Variants in CPPED1 observed in about 807,000 individuals in gnomAD.
CPPED1 encodes calcineurin like phosphoesterase domain containing 1.
CPPED1 carries 28 observed loss-of-function variants against 28.0 expected under a neutral mutation model. That is an observed-to-expected ratio of 1.00 (90% CI 0.74 to 1.37). The LOEUF (loss-of-function observed/expected upper bound fraction) is 1.37, where lower values mean the gene tolerates loss of function less well. Among genes scored for constraint, CPPED1 ranks in the 40% most tolerant of loss-of-function variants. The pLI is 0.00. For synonymous variants in CPPED1, 198 were observed against 180.2 expected, an observed-to-expected ratio of 1.10 and a Z score of -0.79; for missense variants, 504 against 416.5, an observed-to-expected ratio of 1.21 and a Z score of -1.83.
At chr16:12,750,484 A>G (rs2080320483) in intron 2 of CPPED1, among the ~76,000 whole-genome samples, 1 of 152,192 alleles carries the variant, frequency 6.6e-6, no homozygotes, top group African/African-American at 2.4e-5. Flanking sequence ...ATGGCCACTC[A>G]GTGGAGCAGT....
intron 2 of CPPED1, among the ~76,000 whole-genome samples, chr16:12,747,106 C>T (rs1241401665): frequency 2.0e-5 from 3 of 150,656 alleles, no homozygotes; most frequent in Non-Finnish European, 3.0e-5. Context: ...AAATAAATGG[C>T]AACATGGTAG....
intron 2 of CPPED1, among the ~76,000 whole-genome samples, chr16:12,775,619 T>A (rs1400676564): frequency 6.6e-6 from 1 of 152,226 alleles, no homozygotes; most frequent in African/African-American, 2.4e-5. Context: ...TTGTTAAAAT[T>A]CTGATTCAGA....
intron 3 of CPPED1, among the ~76,000 whole-genome samples, chr16:12,690,949 G>A (rs1187967168): frequency 2.0e-5 from 3 of 152,244 alleles, no homozygotes; most frequent in African/African-American, 4.8e-5. Flanking sequence ...AGAATGGGCA[G>A]GAGGGTGAGC....
At chr16:12,778,518 C>T (rs2141237223) in intron 2 of CPPED1, among the ~76,000 whole-genome samples, 1 of 152,252 alleles carries the variant, frequency 6.6e-6, no homozygotes, top group Non-Finnish European at 1.5e-5. Flanking sequence ...TCAGGTGATC[C>T]GCCCACCTTG....
At chr16:12,741,404 G>A (rs549512181) in intron 2 of CPPED1, among the ~76,000 whole-genome samples, 43 of 151,926 alleles carry the variant, frequency 2.8e-4, no homozygotes, top group African/African-American at 9.4e-4. Flanking sequence ...AGTCATTAGC[G>A]GTGATAAAGG....
chr16:12,754,384 G>A (rs1277540696), intron 2 of CPPED1, among the ~76,000 whole-genome samples: 1 of 152,072 alleles, frequency 6.6e-6, no homozygotes, highest in Non-Finnish European at 1.5e-5. Context: ...ACACACAGGG[G>A]CGCCTGTCTT....
chr16:12,738,421 A>C (rs751295942), intron 2 of CPPED1, among the ~76,000 whole-genome samples: 2 of 152,142 alleles, frequency 1.3e-5, no homozygotes, highest in Non-Finnish European at 2.9e-5. Context: ...TTACTTTTAT[A>C]ATCACACACA....
intron 2 of CPPED1, among the ~76,000 whole-genome samples, chr16:12,779,492 G>A (rs1014915688): frequency 2.6e-5 from 4 of 151,770 alleles, no homozygotes; most frequent in African/African-American, 4.8e-5. Flanking sequence ...GAGTTCAAGC[G>A]ATTCTCCTGC....
intron 2 of CPPED1, among the ~76,000 whole-genome samples, chr16:12,779,940 T>A (rs1261832428): frequency 6.6e-6 from 1 of 152,164 alleles, no homozygotes; most frequent in Non-Finnish European, 1.5e-5. Flanking sequence ...CGTTTGCTTA[T>A]ACCTGCTTGC....
At chr16:12,715,548 T>A (rs539166584) in intron 2 of CPPED1, among the ~76,000 whole-genome samples, 16 of 152,060 alleles carry the variant, frequency 1.1e-4, no homozygotes, top group Non-Finnish European at 2.4e-4. Flanking sequence ...TAACCCCAGC[T>A]ACTCGGGAGG....
At chr16:12,794,321 A>G (rs1246968749) in intron 1 of CPPED1, among the ~76,000 whole-genome samples, 1 of 152,150 alleles carries the variant, frequency 6.6e-6, no homozygotes, top group Non-Finnish European at 1.5e-5. Flanking sequence ...AATTGTACAC[A>G]TTTACACTGT....
intron 3 of CPPED1, among the ~76,000 whole-genome samples, chr16:12,684,511 G>A (rs2079922731): frequency 6.6e-6 from 1 of 152,150 alleles, no homozygotes; most frequent in South Asian, 2.1e-4. Flanking sequence ...GCTATTTTGT[G>A]GCTCCAGCCT....
chr16:12,733,768 C>T lies in CPPED1; in HGVS notation c.290-28719G>A, dbSNP rs1159051942. On this transcript the variant is annotated intron_variant, in intron 2 of 3. Transcript: ENST00000381774. ...GTGAATATCCACAAAATTAGCTCAA[C>T]TCACGAGGGTGGCTGCCTCTAGAAG... 3.3e-5 allele frequency among the ~76,000 whole-genome samples: 5 copies of T among 152,210 alleles called. No homozygotes were observed. The East Asian group carries it at 7.7e-4, about 23-fold the overall frequency.
chr16:12,781,324 G>A lies in CPPED1; in HGVS notation c.150C>T (p.Ser50=). The A allele has an allele frequency of 6.2e-7, 1 of 1,614,132 alleles. No individual in the cohort carries two copies. The highest frequency in any genetic ancestry group is 8.5e-7 in the Non-Finnish European group (1 of 1,180,028). The part of the protein sequence containing the change: ...DPQFGLIKAW[S]TGDCDNGGDE... ...CACCGCCATTGTCACAGTCCCCAGTGGACCAGGCCTTGATCAGCCCAAACT... is the reference window on the plus strand; with the variant it reads ...CACCGCCATTGTCACAGTCCCCAGTAGACCAGGCCTTGATCAGCCCAAACT... The change falls in exon 2 of 4, where the codon TCC becomes TCT. Residue 50 remains serine (S), a synonymous_variant. Transcript: ENST00000381774.
At chr16:12,777,898 ATTTTC>A (rs2080506865) in intron 2 of CPPED1, among the ~76,000 whole-genome samples, 1 of 124,136 alleles carries the variant, frequency 8.1e-6, no homozygotes, top group Non-Finnish European at 1.8e-5. Flanking sequence ...CTTTTTTTCT[ATTTTC>A]TTTTTTTTTT....
chr16:12,707,321 T>A (rs2141188792), intron 2 of CPPED1, among the ~76,000 whole-genome samples: 1 of 152,284 alleles, frequency 6.6e-6, no homozygotes, highest in African/African-American at 2.4e-5. Flanking sequence ...TCTTAGCACT[T>A]CCTACAGGCC....
intron 2 of CPPED1, among the ~76,000 whole-genome samples, chr16:12,777,057 T>G (rs2080502308): frequency 6.6e-6 from 1 of 152,202 alleles, no homozygotes; most frequent in Non-Finnish European, 1.5e-5. Flanking sequence ...GAAAACAGAC[T>G]AATACAAATA....
intron 2 of CPPED1, among the ~76,000 whole-genome samples, chr16:12,710,029 A>G (rs1449083152): frequency 1.3e-5 from 2 of 151,986 alleles, no homozygotes; most frequent in African/African-American, 4.8e-5. Flanking sequence ...AGGGAAGGAA[A>G]GGAAAGGGCA....
chr16:12,723,717 T>C (rs2141200028), intron 2 of CPPED1, among the ~76,000 whole-genome samples: 1 of 152,266 alleles, frequency 6.6e-6, no homozygotes, highest in South Asian at 2.1e-4. Flanking sequence ...CAGTGAGGTG[T>C]GGTCGGAGCA....
Sources: allele counts gnomAD v4.1 joint callset (sites outside exome capture counted in the v4.1 genomes callset), GRCh38; gene constraint gnomAD v4.1.1; transcripts MANE v1.5; gene names NCBI Gene and HGNC (gene_info 2026-07-23, HGNC 2026-07-21).